Variants in SYNDIG1L observed in about 807,000 individuals in gnomAD.
SYNDIG1L encodes synapse differentiation-inducing gene protein 1-like.
A neutral mutation model predicts 20.1 loss-of-function variants in SYNDIG1L; 13 were observed. The observed-to-expected ratio is 0.65, with a 90% CI of 0.42 to 1.03. The LOEUF is 1.03. Among genes scored for constraint, SYNDIG1L ranks in the 50% least tolerant of loss-of-function variants. SYNDIG1L has a pLI of 0.00. For missense variants in SYNDIG1L, 294 were observed against 305.1 expected (o/e 0.96, Z 0.27); for synonymous variants, 128 against 129.3 (o/e 0.99, Z 0.07).
chr14:74,429,964 T>C (rs1271804665), upstream of SYNDIG1L, among the ~76,000 whole-genome samples: 1 of 152,198 alleles, frequency 6.6e-6, no homozygotes, highest in Non-Finnish European at 1.5e-5. Flanking sequence ...TGCTCACTTC[T>C]TTTTTCCATA....
the SYNDIG1L span, among the ~76,000 whole-genome samples, chr14:74,433,884 A>G: frequency 4.6e-5 from 7 of 152,334 alleles, no homozygotes; most frequent in East Asian, 5.8e-4. Flanking sequence ...TTGCACACAA[A>G]ACTAGCCATC....
chr14:74,457,246 C>T, the SYNDIG1L span, among the ~76,000 whole-genome samples: 5 of 152,198 alleles, frequency 3.3e-5, no homozygotes, highest in African/African-American at 1.2e-4. Flanking sequence ...CCTCTCCCTC[C>T]CTCACACTGG....
the SYNDIG1L span, among the ~76,000 whole-genome samples, chr14:74,432,140 G>GGTGTGTGTGTGTGTGTGTGT: frequency 8.3e-6 from 1 of 121,012 alleles, no homozygotes; most frequent in Non-Finnish European, 1.7e-5. Flanking sequence ...TGCCTTGGAA[G>GGTGTGTGTGTGTGTGTGTGT]GTGTGTGTGT....
At chr14:74,480,114 G>A in the SYNDIG1L span, 5 of 1,555,854 alleles carry the variant, frequency 3.2e-6, no homozygotes, top group Non-Finnish European at 4.3e-6. Context: ...CTGAGAACCA[G>A]CCACCCGGAG....
chr14:74,464,165 T>G, the SYNDIG1L span, among the ~76,000 whole-genome samples: 1 of 152,082 alleles, frequency 6.6e-6, no homozygotes, highest in African/African-American at 2.4e-5. Context: ...AGGGTAGGGT[T>G]GTGGGTAGGG....
the SYNDIG1L span, chr14:74,471,893 A>T: frequency 2.0e-5 from 3 of 152,182 alleles, no homozygotes; most frequent in Non-Finnish European, 4.4e-5. Flanking sequence ...ACTACCACTG[A>T]AGTCATAGCG....
At chr14:74,453,825 G>C in the SYNDIG1L span, among the ~76,000 whole-genome samples, 1 of 151,988 alleles carries the variant, frequency 6.6e-6, no homozygotes, top group African/African-American at 2.4e-5. Context: ...AATTAGCCGG[G>C]TGTGGTGGTG....
the SYNDIG1L span, among the ~76,000 whole-genome samples, chr14:74,437,975 A>T: frequency 6.6e-6 from 1 of 152,336 alleles, no homozygotes; most frequent in South Asian, 2.1e-4. Flanking sequence ...TGGACAAGGA[A>T]AACCTGAAGT....
At chr14:74,442,659 A>T in the SYNDIG1L span, among the ~76,000 whole-genome samples, 1 of 152,164 alleles carries the variant, frequency 6.6e-6, no homozygotes, top group Non-Finnish European at 1.5e-5. Flanking sequence ...AGATTTTGGG[A>T]GGGTGGTAAA....
the SYNDIG1L span, among the ~76,000 whole-genome samples, chr14:74,468,474 A>T: frequency 6.6e-6 from 1 of 151,346 alleles, no homozygotes; most frequent in Non-Finnish European, 1.5e-5. Context: ...TCTCGGGGAC[A>T]TTCTCCTCCC....
In SYNDIG1L at chr14:74,409,901, A is replaced by ATTCTGC. The variant is rs374240591; in HGVS notation, c.-57-101_-57-100insGCAGAA. On this transcript the variant is annotated intron_variant, in intron 1 of 3. Transcript: ENST00000331628. ...GGTCCTGCAGTCTGACTTGGCTCAAACTCTGCCTCTGCCCTTTGCAAGATG... is the reference window on the plus strand; with the variant it reads ...GGTCCTGCAGTCTGACTTGGCTCAAATTCTGCCTCTGCCTCTGCCCTTTGCAAGATG... The ATTCTGC allele has an allele frequency of 8.5e-4, 810 of 951,454 alleles. 9 individuals are homozygous for ATTCTGC. The African/African-American group carries it at 0.012, about 14-fold the overall frequency. The allele number at this position is 951,454 out of a possible 1,614,324, so 58.9% of individuals were successfully genotyped here.
the SYNDIG1L span, among the ~76,000 whole-genome samples, chr14:74,456,850 G>A: frequency 6.6e-6 from 1 of 152,250 alleles, no homozygotes; most frequent in East Asian, 1.9e-4. Context: ...CCCTGCAGGA[G>A]CCATGGAGGG....
At chr14:74,459,139 G>A in the SYNDIG1L span, among the ~76,000 whole-genome samples, 1 of 152,146 alleles carries the variant, frequency 6.6e-6, no homozygotes, top group South Asian at 2.1e-4. Context: ...CTCTGGAGGG[G>A]AGAGGGCACG....
rs146225014 is a variant in SYNDIG1L at position 74,413,003 on chromosome 14, T to C, written c.-57-3202A>G. On this transcript the variant is annotated intron_variant, in intron 1 of 3. Coordinates refer to ENST00000331628, the MANE Select transcript of SYNDIG1L (RefSeq NM_001105579.2). The stretch of plus-strand genomic sequence containing the variant: ...CAGATTACTGCATCTGACTCACCCC[T>C]GCCCTACGCTCTGTCTCACCAGGAG... Among the ~76,000 whole-genome samples, 1,456 of 152,296 alleles carry C rather than the reference T, an allele frequency of 9.6e-3. 11 individuals carry two copies. The highest frequency in any genetic ancestry group is 0.012 in the Non-Finnish European group (840 of 68,012).
the SYNDIG1L span, among the ~76,000 whole-genome samples, chr14:74,458,047 G>T: frequency 2.0e-5 from 3 of 151,906 alleles, no homozygotes; most frequent in Admixed American, 6.6e-5. Flanking sequence ...TGATCCTCCC[G>T]CCTCGACCTC....
At chr14:74,418,670 T>C (rs2086197162) in intron 1 of SYNDIG1L, among the ~76,000 whole-genome samples, 1 of 152,208 alleles carries the variant, frequency 6.6e-6, no homozygotes, top group African/African-American at 2.4e-5. Context: ...TCTTTCACCT[T>C]GCTCACTGGA....
the SYNDIG1L span, among the ~76,000 whole-genome samples, chr14:74,464,310 C>G: frequency 1.3e-5 from 2 of 152,144 alleles, no homozygotes; most frequent in African/African-American, 2.4e-5. Flanking sequence ...TAGGGCTCCT[C>G]CTCTGTGCTC....
chr14:74,432,036 G>C, the SYNDIG1L span, among the ~76,000 whole-genome samples: 1 of 152,102 alleles, frequency 6.6e-6, no homozygotes, highest in South Asian at 2.1e-4. Flanking sequence ...AAGCAGAGGG[G>C]GAAGTGAAAA....
At chr14:74,416,071 G>T (rs1041287647) in intron 1 of SYNDIG1L, among the ~76,000 whole-genome samples, 1 of 152,110 alleles carries the variant, frequency 6.6e-6, no homozygotes, top group Non-Finnish European at 1.5e-5. Context: ...TCAGGGCTGG[G>T]GGGAGAGGAG....
Sources: gnomAD v4.1 joint callset for allele counts (sites outside exome capture counted in the v4.1 genomes callset) on GRCh38, gnomAD v4.1.1 for gene constraint, MANE v1.5 for transcripts, NCBI Gene and HGNC (gene_info 2026-07-23, HGNC 2026-07-21) for gene names.